THSD7B: variants seen among roughly 807,000 people sequenced by gnomAD.
THSD7B encodes thrombospondin type-1 domain-containing protein 7B.
Under a neutral mutation model 213.6 loss-of-function variants are expected in THSD7B, and 138 were observed. The observed-to-expected ratio is 0.65, with a 90% CI of 0.56 to 0.74. THSD7B has a LOEUF of 0.74. THSD7B is among the 30% of genes least tolerant of loss of function. The pLI is 0.00. For synonymous variants in THSD7B, 742 were observed against 687.0 expected (o/e 1.08, Z -1.25); for missense variants, 1,931 against 1,991.5 (o/e 0.97, Z 0.58).
intron 6 of THSD7B, among the ~76,000 whole-genome samples, chr2:137,169,289 T>G (rs1348698652): frequency 1.3e-5 from 2 of 150,858 alleles, no homozygotes; most frequent in Admixed American, 6.6e-5. Flanking sequence ...ATTTGAGGTT[T>G]TTTTTTTTTT....
chr2:137,398,757 C>G (rs1384681472), intron 12 of THSD7B, among the ~76,000 whole-genome samples: 6 of 152,190 alleles, frequency 3.9e-5, no homozygotes, highest in Non-Finnish European at 5.9e-5. Context: ...GCGCCCCTCC[C>G]CCAGCCTCGC....
chr2:137,012,677 T>C (rs1686253209), intron 2 of THSD7B, among the ~76,000 whole-genome samples: 1 of 152,218 alleles, frequency 6.6e-6, no homozygotes, highest in African/African-American at 2.4e-5. Flanking sequence ...TAATGACATT[T>C]GAGAAGTGTA....
chr2:137,628,293 A>G (rs891451507), intron 20 of THSD7B, among the ~76,000 whole-genome samples: 4 of 152,220 alleles, frequency 2.6e-5, no homozygotes, highest in Non-Finnish European at 5.9e-5. Flanking sequence ...CACTATACTC[A>G]TAGCCTATAT....
At chr2:137,388,919 G>T (rs910709625) in intron 12 of THSD7B, among the ~76,000 whole-genome samples, 1 of 151,696 alleles carries the variant, frequency 6.6e-6, no homozygotes, top group African/African-American at 2.4e-5. Context: ...ATTATTCATT[G>T]ATGTACTTAT....
rs1377811579 is a variant in THSD7B, at chr2:137,283,433, A to G, written c.2500+7407A>G. Among the ~76,000 whole-genome samples the G allele has an allele frequency of 3.3e-5, 5 of 152,064 alleles. No homozygotes were observed. The East Asian group carries it at 5.8e-4, about 18-fold the overall frequency. ...TGCCCTGGCCAGAACTTCCAACACTATGTTGAATAGGAGTGGTGAGAGAGG... is the reference window on the plus strand; with the variant it reads ...TGCCCTGGCCAGAACTTCCAACACTGTGTTGAATAGGAGTGGTGAGAGAGG... On this transcript the variant is annotated intron_variant, in intron 12 of 27. Transcript: ENST00000409968.
At chr2:136,786,795 T>G (rs116138928) in intron 1 of THSD7B, among the ~76,000 whole-genome samples, 2,260 of 152,342 alleles carry the variant, frequency 0.015, 50 homozygotes, top group African/African-American at 0.052. Flanking sequence ...GTTTTGGCAT[T>G]ACATAAATGT....
chr2:137,130,416 T>C (rs1032421157), intron 5 of THSD7B, among the ~76,000 whole-genome samples: 3 of 152,034 alleles, frequency 2.0e-5, no homozygotes, highest in African/African-American at 7.3e-5. Flanking sequence ...TTAGGGTACA[T>C]GTGCACAATG....
intron 12 of THSD7B, among the ~76,000 whole-genome samples, chr2:137,277,000 T>C (rs1461265384): frequency 6.6e-6 from 1 of 152,094 alleles, no homozygotes; most frequent in Non-Finnish European, 1.5e-5. Context: ...CATTTTACTT[T>C]CATATATCAC....
At chr2:137,117,674 A>G (rs915382042) in intron 5 of THSD7B, among the ~76,000 whole-genome samples, 1 of 152,016 alleles carries the variant, frequency 6.6e-6, no homozygotes. Flanking sequence ...CCCATCATCC[A>G]CTGGTGATTT....
At chr2:136,893,806 T>TTAGA (rs967612550) in intron 2 of THSD7B, among the ~76,000 whole-genome samples, 1 of 152,222 alleles carries the variant, frequency 6.6e-6, no homozygotes, top group Admixed American at 6.5e-5. Flanking sequence ...GCCACAGATG[T>TTAGA]TATCTGAGAC....
At chr2:137,650,676 G>A (rs1049716106) in intron 21 of THSD7B, among the ~76,000 whole-genome samples, 1 of 152,120 alleles carries the variant, frequency 6.6e-6, no homozygotes, top group African/African-American at 2.4e-5. Flanking sequence ...TAGAGCAAAC[G>A]CTTTCCATTT....
At chr2:137,586,248 C>T (rs1681723874) in intron 17 of THSD7B, among the ~76,000 whole-genome samples, 1 of 152,164 alleles carries the variant, frequency 6.6e-6, no homozygotes, top group Non-Finnish European at 1.5e-5. Context: ...TGAGATGGGT[C>T]TCCTGAATAC....
chr2:137,638,589 A>C (rs1331961657), intron 20 of THSD7B, among the ~76,000 whole-genome samples: 1 of 152,190 alleles, frequency 6.6e-6, no homozygotes, highest in Non-Finnish European at 1.5e-5. Context: ...TGTGGAAGCG[A>C]CTTTGGAACT....
intron 2 of THSD7B, among the ~76,000 whole-genome samples, chr2:136,908,769 G>A (rs952032329): frequency 4.6e-5 from 7 of 152,208 alleles, no homozygotes; most frequent in Non-Finnish European, 8.8e-5. Flanking sequence ...TCTTTATGGG[G>A]AGGAAGTAAG....
intron 17 of THSD7B, among the ~76,000 whole-genome samples, chr2:137,587,944 C>T (rs1458093009): frequency 1.3e-5 from 2 of 152,218 alleles, no homozygotes; most frequent in African/African-American, 4.8e-5. Flanking sequence ...GTGGAGTCTA[C>T]AAAGGCAGCA....
intron 1 of THSD7B, among the ~76,000 whole-genome samples, chr2:136,774,577 C>T (rs1681567171): frequency 6.6e-6 from 1 of 152,072 alleles, no homozygotes; most frequent in African/African-American, 2.4e-5. Flanking sequence ...CAATGTGAAA[C>T]ATTTTAATAA....
At chr2:136,828,074 A>G (rs1682688291) in intron 1 of THSD7B, among the ~76,000 whole-genome samples, 1 of 151,908 alleles carries the variant, frequency 6.6e-6, no homozygotes, top group East Asian at 1.9e-4. Context: ...AGATTGGGGT[A>G]TACTTTACTC....
intron 10 of THSD7B, among the ~76,000 whole-genome samples, chr2:137,263,812 G>C (rs1225684499): frequency 1.3e-5 from 2 of 152,146 alleles, no homozygotes; most frequent in Non-Finnish European, 2.9e-5. Context: ...GGATAGGAAG[G>C]AAGTCTATAA....
chr2:136,839,673 A>G (rs1682894712), intron 1 of THSD7B, among the ~76,000 whole-genome samples: 1 of 152,158 alleles, frequency 6.6e-6, no homozygotes, highest in South Asian at 2.1e-4. Context: ...AAAATGATCA[A>G]TGCCTCTCTT....
Sources: allele counts gnomAD v4.1 joint callset (sites outside exome capture counted in the v4.1 genomes callset), GRCh38; gene constraint gnomAD v4.1.1; transcripts MANE v1.5; gene names NCBI Gene and HGNC (gene_info 2026-07-23, HGNC 2026-07-21).